Variants in TIAM1 observed in about 807,000 individuals in gnomAD.
TIAM1 encodes the protein TIAM Rac1 associated GEF 1.
In TIAM1, 65 loss-of-function variants were observed where a neutral mutation model predicts 163.5. That is an observed-to-expected ratio of 0.40 (90% CI 0.33 to 0.49). The LOEUF (loss-of-function observed/expected upper bound fraction) is 0.49, where lower values mean the gene tolerates loss of function less well. Among genes scored for constraint, TIAM1 ranks in the 20% least tolerant of loss-of-function variants. TIAM1 has a pLI of 0.77. For synonymous variants in TIAM1, 833 were observed against 810.1 expected (o/e 1.03, Z -0.48); for missense variants, 1,789 against 2,044.7 (o/e 0.87, Z 2.41).
At chr21:31,390,964 C>T (rs892641949) in intron 2 of TIAM1, among the ~76,000 whole-genome samples, 2 of 152,160 alleles carry the variant, frequency 1.3e-5, no homozygotes, top group African/African-American at 4.8e-5. Context: ...CTCTGGCCTT[C>T]TACCAGCCAC....
At chr21:31,197,035 A>G (rs951875596) in intron 12 of TIAM1, among the ~76,000 whole-genome samples, 17 of 152,168 alleles carry the variant, frequency 1.1e-4, no homozygotes, top group Non-Finnish European at 5.9e-5. Context: ...GGGCTAAACA[A>G]TGAGTACTCA....
At chr21:31,456,644 A>G (rs571870326) in intron 2 of TIAM1, among the ~76,000 whole-genome samples, 1 of 152,252 alleles carries the variant, frequency 6.6e-6, no homozygotes, top group Non-Finnish European at 1.5e-5. Flanking sequence ...GTTTTATGGT[A>G]GGTACATAAT....
At chr21:31,315,451 C>T (rs2075081144) in intron 2 of TIAM1, among the ~76,000 whole-genome samples, 2 of 150,846 alleles carry the variant, frequency 1.3e-5, no homozygotes, top group African/African-American at 4.9e-5. Flanking sequence ...GGAGGCGGAG[C>T]TTGCAGTGAG....
At chr21:31,462,443 C>A (rs1408640677) in intron 2 of TIAM1, among the ~76,000 whole-genome samples, 1 of 152,130 alleles carries the variant, frequency 6.6e-6, no homozygotes, top group African/African-American at 2.4e-5. Context: ...CAGGCATAGC[C>A]GATTACACCC....
intron 16 of TIAM1, among the ~76,000 whole-genome samples, chr21:31,158,599 C>T (rs2083743547): frequency 6.6e-6 from 1 of 152,150 alleles, no homozygotes; most frequent in Non-Finnish European, 1.5e-5. Context: ...GTGTTATATA[C>T]AAGCCTCTTA....
At chr21:31,149,321 T>C (rs1301790773) in intron 19 of TIAM1, among the ~76,000 whole-genome samples, 1 of 152,236 alleles carries the variant, frequency 6.6e-6, no homozygotes, top group Non-Finnish European at 1.5e-5. Flanking sequence ...GCATTATATT[T>C]ACTGGTTGAG....
chr21:31,159,550 C>CT (rs940875999), intron 16 of TIAM1, among the ~76,000 whole-genome samples: 1 of 152,162 alleles, frequency 6.6e-6, no homozygotes, highest in East Asian at 1.9e-4. Flanking sequence ...TTTACTTAAG[C>CT]TTTTTTTGGG....
chr21:31,236,486 T>C (rs2088772440), intron 6 of TIAM1, among the ~76,000 whole-genome samples: 1 of 151,704 alleles, frequency 6.6e-6, no homozygotes, highest in South Asian at 2.1e-4. Context: ...GTCATATCAG[T>C]GGATAATGTG....
intron 2 of TIAM1, among the ~76,000 whole-genome samples, chr21:31,373,828 CT>C (rs1265284450): frequency 6.6e-6 from 1 of 152,110 alleles, no homozygotes; most frequent in Non-Finnish European, 1.5e-5. Context: ...AATATACTTC[CT>C]TTTCCCCCAT....
chr21:31,475,230 C>G (rs1410005638), intron 1 of TIAM1, among the ~76,000 whole-genome samples: 1 of 151,138 alleles, frequency 6.6e-6, no homozygotes, highest in Non-Finnish European at 1.5e-5. Context: ...TTTTTGTATT[C>G]CTTTGTAGAG....
chr21:31,494,242 A>G lies in TIAM1; in HGVS notation c.-421-30207T>C, dbSNP rs1035067014. Reference sequence around the variant, plus strand: ...CTAATAATTTATTTCTGTACCCTCTACAGGCTCTGAACACACATAAGGCAC... The same window carrying G: ...CTAATAATTTATTTCTGTACCCTCTGCAGGCTCTGAACACACATAAGGCAC... On this transcript the variant is annotated intron_variant, in intron 1 of 28. Coordinates refer to the TIAM1 transcript ENST00000286827. Among the ~76,000 whole-genome samples the G allele has an allele frequency of 2.0e-5, 3 of 152,008 alleles. No individual in the cohort carries two copies. The South Asian group carries it at 6.2e-4, about 32-fold the overall frequency.
rs781005408 is a variant in TIAM1, at chr21:31,551,037, C to T, written c.-422+7890G>A. On this transcript the variant is annotated intron_variant, in intron 1 of 28. Transcript: ENST00000286827. ...ACCAGCCTGGCCAAGATGGTGAAAC[C>T]TAGTCTCTACTAAAAATACAAAAAA... is the stretch of plus-strand genomic sequence containing the variant. 2.5e-4 allele frequency among the ~76,000 whole-genome samples: 38 copies of T among 151,966 alleles called. No individual in the cohort carries two copies. The Middle Eastern group carries it at 0.014, about 54-fold the overall frequency.
chr21:31,210,350 G>A (rs2086658048), intron 10 of TIAM1, 135 bp from the exon 11 acceptor site: 1 of 874,988 alleles, frequency 1.1e-6, no homozygotes, highest in South Asian at 1.7e-5. Flanking sequence ...GTGGGAGGCA[G>A]GGGAACCCTT....
At chr21:31,409,945 T>G (rs2077316981) in intron 2 of TIAM1, among the ~76,000 whole-genome samples, 1 of 152,148 alleles carries the variant, frequency 6.6e-6, no homozygotes, top group African/African-American at 2.4e-5. Context: ...AGGCTGGCTG[T>G]TGATTCCTTT....
In TIAM1 at chr21:31,245,607, T is replaced by C. The variant is rs759707282; in HGVS notation, c.1465A>G (p.Ser489Gly). The C allele has an allele frequency of 1.2e-6, 2 of 1,606,062 alleles. No individual in the cohort carries two copies. Among genetic ancestry groups the C allele is most frequent in the Non-Finnish European group, 1.7e-6 (2 of 1,176,366 alleles). The change falls in exon 6 of 28, where the codon AGC becomes GGC. Residue 489 changes from serine to glycine, a missense_variant. By Grantham distance (56) the Ser-to-Gly change is moderately conservative. Transcript: ENST00000541036. ...SDGRSGIDHNSIPKHAVWVEN... is the reference protein window; with the variant it reads ...SDGRSGIDHNGIPKHAVWVEN... ...ACCCAGACGGCGTGTTTGGGGATGC[T>C]GTTGTGGTCTATCCCAGACCTGCCG...
rs79939351 is a variant in TIAM1, at chr21:31,354,466, C to G, written c.-368-15044G>C. Among the ~76,000 whole-genome samples the G allele has an allele frequency of 6.4e-3, 976 of 152,192 alleles. 6 individuals carry two copies. The highest frequency in any genetic ancestry group is 0.02 in the African/African-American group (811 of 41,498). On this transcript the variant is annotated intron_variant, in intron 2 of 28. Transcript: ENST00000286827. ...CCTTTCACAGAACCAAGGACCCCCCCTCCACACCCCCACCACACGAAGAGG... is the reference window on the plus strand; with the variant it reads ...CCTTTCACAGAACCAAGGACCCCCCGTCCACACCCCCACCACACGAAGAGG...
At position 31,513,323 on chromosome 21, in the gene TIAM1, C is replaced by A. The variant is rs573363034; in HGVS notation, c.-422+45604G>T. 4.6e-5 allele frequency among the ~76,000 whole-genome samples: 7 copies of A among 152,300 alleles called. No individual in the cohort carries two copies. In the East Asian group the frequency reaches 1.4e-3, roughly 29 times the overall value. Reference sequence around the variant, plus strand: ...AACTGAGGCCCAGAGAAGCTACCTGCCCAAAGTTAAGAGCTGGGATTCCAG... The same window carrying A: ...AACTGAGGCCCAGAGAAGCTACCTGACCAAAGTTAAGAGCTGGGATTCCAG... On this transcript the variant is annotated intron_variant, in intron 1 of 28. Coordinates refer to the TIAM1 transcript ENST00000286827.
Position 31,148,956 on chromosome 21 carries a change from C to CTTTTTTTTTT in TIAM1, c.3367-1954_3367-1953insAAAAAAAAAA, listed in dbSNP as rs869158026. On this transcript the variant is annotated intron_variant, in intron 19 of 27. Transcript: ENST00000541036. Reference sequence around the variant, plus strand: ...AGTTTGAAGATTTTAACAAGTTTTTCTTTTTCTTTTTTTTTTGGTCAAATA... The same window carrying CTTTTTTTTTT: ...AGTTTGAAGATTTTAACAAGTTTTTCTTTTTTTTTTTTTTTCTTTTTTTTTTGGTCAAATA... 8.9e-3 allele frequency among the ~76,000 whole-genome samples: 257 copies of CTTTTTTTTTT among 28,786 alleles called. 6 individuals are homozygous for CTTTTTTTTTT. The highest frequency in any genetic ancestry group is 0.023 in the African/African-American group (244 of 10,632). The allele number at this position is 28,786 out of a possible 152,430, so 18.9% of individuals were successfully genotyped here. A position where few individuals can be genotyped will look rare whatever the true frequency, so the allele number is the denominator to read the frequency against.
chr21:31,179,060 T>A (rs1488788236), intron 15 of TIAM1, among the ~76,000 whole-genome samples: 1 of 151,754 alleles, frequency 6.6e-6, no homozygotes, highest in Non-Finnish European at 1.5e-5. Context: ...CTGAAGGATT[T>A]TTGATGATTG....
Sources: allele counts gnomAD v4.1 joint callset (sites outside exome capture counted in the v4.1 genomes callset), GRCh38; gene constraint gnomAD v4.1.1; transcripts MANE v1.5; gene names NCBI Gene and HGNC (gene_info 2026-07-23, HGNC 2026-07-21).